Variants in ZBBX observed in about 807,000 individuals in gnomAD.
ZBBX encodes the protein zinc finger B-box domain-containing protein 1.
In ZBBX, 101 loss-of-function variants were observed where a neutral mutation model predicts 108.5. The ratio of observed to expected loss-of-function variants is 0.93; its 90% CI spans 0.79 to 1.10. The LOEUF is 1.10. ZBBX is among the 50% of genes least tolerant of loss of function. ZBBX has a pLI of 0.00. For synonymous variants in ZBBX, 356 were observed against 323.4 expected (o/e 1.10, Z -1.08); for missense variants, 1,009 against 941.4 (o/e 1.07, Z -0.94).
chr3:167,366,105 A>G, intron 5 of ZBBX, 129 bp from the exon 6 acceptor site: 2 of 532,778 alleles, frequency 3.8e-6, no homozygotes, highest in Non-Finnish European at 6.5e-6. Flanking sequence ...CAAGCAAAAC[A>G]TGAAAAATAA....
intron 1 of ZBBX, among the ~76,000 whole-genome samples, chr3:167,403,525 A>AAT (rs1385386974): frequency 1.3e-5 from 2 of 152,156 alleles, no homozygotes; most frequent in East Asian, 1.9e-4. Flanking sequence ...TAACAAGGTG[A>AAT]ATATGCAAGC....
intron 17 of ZBBX, among the ~76,000 whole-genome samples, chr3:167,304,807 T>C (rs1479979363): frequency 6.6e-6 from 1 of 152,000 alleles, no homozygotes; most frequent in Admixed American, 6.6e-5. Flanking sequence ...TGATCAGACA[T>C]TTAGGGGTCT....
chr3:167,325,602 T>C lies in ZBBX; in HGVS notation c.862+2340A>G, dbSNP rs774805057. Among the ~76,000 whole-genome samples the C allele has an allele frequency of 2.4e-4, 36 of 152,274 alleles. 1 individual carries two copies. Among genetic ancestry groups the C allele is most frequent in the East Asian group, 3.9e-4 (2 of 5,180 alleles). On this transcript the variant is annotated intron_variant, in intron 11 of 21. Coordinates refer to ENST00000675490, the MANE Select transcript of ZBBX (RefSeq NM_001199201.2). ...GCATTGCACTTCTTCATCCAAATTATACTAATCATTTGATTTTTTTGACCT... is the reference window on the plus strand; with the variant it reads ...GCATTGCACTTCTTCATCCAAATTACACTAATCATTTGATTTTTTTGACCT...
chr3:167,269,709 G>A (rs992362566), intron 20 of ZBBX, among the ~76,000 whole-genome samples: 4 of 152,148 alleles, frequency 2.6e-5, no homozygotes, highest in African/African-American at 7.2e-5. Context: ...AATACTGCCC[G>A]TCAAGAAATC....
chr3:167,329,436 G>A (rs747108603), intron 10 of ZBBX, among the ~76,000 whole-genome samples: 2 of 152,062 alleles, frequency 1.3e-5, no homozygotes, highest in East Asian at 1.9e-4. Flanking sequence ...TTTTAAATAC[G>A]AGCAAAAAGT....
At chr3:167,247,597 G>T (rs1721802980) in intron 20 of ZBBX, among the ~76,000 whole-genome samples, 1 of 152,128 alleles carries the variant, frequency 6.6e-6, no homozygotes, top group African/African-American at 2.4e-5. Context: ...CAAACTAAAA[G>T]ATCACCCTGT....
intron 20 of ZBBX, among the ~76,000 whole-genome samples, chr3:167,252,934 T>G (rs13073989): frequency 0.78 from 119,334 of 152,116 alleles, 46,874 homozygotes; most frequent in East Asian, 0.91. Context: ...AAACTGTATG[T>G]TTGTCCTTTT....
At chr3:167,226,774 G>A in the ZBBX span, among the ~76,000 whole-genome samples, 1 of 151,584 alleles carries the variant, frequency 6.6e-6, no homozygotes, top group East Asian at 1.9e-4. Flanking sequence ...TACTTTAGTA[G>A]CTCCCCAACC....
In ZBBX at chr3:167,330,945, T is replaced by C. The variant is rs12632641; in HGVS notation, c.688-2829A>G. ...TATCTCTTCTCTCTCCTCTCTTTCT[T>C]TCTCTCTCTCTCTCTCTCTCCCCCA... On this transcript the variant is annotated intron_variant, in intron 10 of 21. Coordinates refer to ENST00000675490, the MANE Select transcript of ZBBX (RefSeq NM_001199201.2). Among the ~76,000 whole-genome samples the C allele has an allele frequency of 8.4e-4, 73 of 87,184 alleles. 4 individuals are homozygous for C. In the East Asian group the frequency reaches 0.026, roughly 31 times the overall value. The allele number at this position is 87,184 out of a possible 152,430, so 57.2% of individuals were successfully genotyped here.
At chr3:167,187,541 C>A in the ZBBX span, among the ~76,000 whole-genome samples, 31 of 152,254 alleles carry the variant, frequency 2.0e-4, no homozygotes, top group Non-Finnish European at 2.8e-4. Flanking sequence ...CAACATATTT[C>A]TTTTTACTAG....
intron 9 of ZBBX, among the ~76,000 whole-genome samples, chr3:167,342,254 A>G (rs1740659618): frequency 6.6e-6 from 1 of 151,822 alleles, no homozygotes; most frequent in African/African-American, 2.4e-5. Flanking sequence ...AAATCATGAG[A>G]TAACATAGGT....
At chr3:167,348,371 A>AGAAAG (rs1409963332) in intron 9 of ZBBX, among the ~76,000 whole-genome samples, 6 of 140,300 alleles carry the variant, frequency 4.3e-5, no homozygotes, top group South Asian at 2.3e-4. Context: ...AAAGAAAGAA[A>AGAAAG]AAAAAGAAAA....
rs142472576 is a variant in ZBBX at position 167,401,640 on chromosome 3, T to C, written c.-446+6086A>G. On this transcript the variant is annotated intron_variant, in intron 1 of 21. Transcript: ENST00000455345. ...CATGGCACTGGTGGGAGTGTAGCAG[T>C]GAGGACAACCAGAGGTCACTCATCA... Among the ~76,000 whole-genome samples, 10 of 152,292 alleles carry C rather than the reference T, an allele frequency of 6.6e-5. No individual in the cohort carries two copies. The East Asian group carries it at 1.9e-3, about 29-fold the overall frequency.
chr3:167,254,983 A>G (rs891739320), intron 20 of ZBBX, among the ~76,000 whole-genome samples: 2 of 151,986 alleles, frequency 1.3e-5, no homozygotes, highest in African/African-American at 2.4e-5. Context: ...TCGGAGCCAG[A>G]AAATGGCAAA....
intron 2 of ZBBX, among the ~76,000 whole-genome samples, chr3:167,377,497 G>T (rs1242614643): frequency 6.6e-6 from 1 of 152,090 alleles, no homozygotes; most frequent in Non-Finnish European, 1.5e-5. Context: ...TTTTGAAATG[G>T]TCTAATTAGC....
At chr3:167,368,088 A>T (rs1367499140) in intron 5 of ZBBX, among the ~76,000 whole-genome samples, 1 of 150,758 alleles carries the variant, frequency 6.6e-6, no homozygotes, top group African/African-American at 2.4e-5. Flanking sequence ...AAATGGCTCT[A>T]AACATAAACT....
chr3:167,229,729 T>G, the ZBBX span, among the ~76,000 whole-genome samples: 5 of 151,900 alleles, frequency 3.3e-5, no homozygotes, highest in East Asian at 3.9e-4. Context: ...GTATAAAAAT[T>G]ACCTCATGCT....
At chr3:167,359,482 A>C (rs1744158672) in intron 8 of ZBBX, among the ~76,000 whole-genome samples, 1 of 152,230 alleles carries the variant, frequency 6.6e-6, no homozygotes, top group Middle Eastern at 3.4e-3. Context: ...AGTATAGACA[A>C]CTCTTCAGAA....
At chr3:167,363,523 A>G (rs924068440) in intron 6 of ZBBX, among the ~76,000 whole-genome samples, 1 of 152,032 alleles carries the variant, frequency 6.6e-6, no homozygotes, top group Non-Finnish European at 1.5e-5. Context: ...CACACAAAAA[A>G]TATGTCTTCC....
Sources: allele counts gnomAD v4.1 joint callset (sites outside exome capture counted in the v4.1 genomes callset), GRCh38; gene constraint gnomAD v4.1.1; transcripts MANE v1.5; gene names NCBI Gene and HGNC (gene_info 2026-07-23, HGNC 2026-07-21).